The following RELCH variants were observed in gnomAD, a reference collection of about 807,000 sequenced individuals.
The protein encoded by RELCH is RAB11 binding and LisH domain, coiled-coil and HEAT repeat containing, also known as RAB11-binding protein RELCH.
Under a neutral mutation model 150.3 loss-of-function variants are expected in RELCH, and 41 were observed. The ratio of observed to expected loss-of-function variants is 0.27; its 90% CI spans 0.21 to 0.35. The LOEUF is 0.35. RELCH is among the 10% of genes least tolerant of loss of function. RELCH has a pLI of 1.00. For synonymous variants in RELCH, 478 were observed against 531.8 expected (o/e 0.90, Z 1.39); for missense variants, 1,092 against 1,467.8 (o/e 0.74, Z 4.18).
At position 62,261,501 on chromosome 18, in the gene RELCH, T is replaced by C; in HGVS notation, c.2203-10T>C. 1 of 1,609,686 alleles carries C rather than the reference T, an allele frequency of 6.2e-7. No individual in the cohort carries two copies. The highest frequency in any genetic ancestry group is 8.5e-7 in the Non-Finnish European group (1 of 1,177,632). On this transcript the variant is annotated splice_polypyrimidine_tract_variant and intron_variant, in intron 15 of 28. Transcript: ENST00000644646. ...AGACTAAAATTAGCTTCCACCTCCT[T>C]ATGTTTCAGGAAGGAGAACATGGAC...
At chr18:62,289,930 A>G (rs2045026796) in intron 26 of RELCH, among the ~76,000 whole-genome samples, 1 of 152,276 alleles carries the variant, frequency 6.6e-6, no homozygotes, top group South Asian at 2.1e-4. Context: ...AGACTCTTAA[A>G]CTACTAATTC....
At position 62,200,797 on chromosome 18, in the gene RELCH, A is replaced by G. The variant is rs193074153; in HGVS notation, c.527-10356A>G. Reference sequence around the variant, plus strand: ...ACGTTTATAAATACAGTGCCCACATAAAAGAAACTTTTCATTAGTATTGAA... The same window carrying G: ...ACGTTTATAAATACAGTGCCCACATGAAAGAAACTTTTCATTAGTATTGAA... On this transcript the variant is annotated intron_variant, in intron 1 of 28. Coordinates refer to ENST00000644646, the MANE Select transcript of RELCH (RefSeq NM_001346231.2). Among the ~76,000 whole-genome samples the G allele has an allele frequency of 2.6e-5, 4 of 152,118 alleles. No individual in the cohort carries two copies. The South Asian group carries it at 6.2e-4, about 24-fold the overall frequency.
At chr18:62,237,607 T>G (rs974094354) in intron 10 of RELCH, among the ~76,000 whole-genome samples, 49 of 151,820 alleles carry the variant, frequency 3.2e-4, no homozygotes, top group Admixed American at 3.1e-3. Context: ...GACTACACCT[T>G]CAGTAAAAAA....
At chr18:62,294,976 G>A (rs1396121305) in intron 27 of RELCH, among the ~76,000 whole-genome samples, 1 of 152,046 alleles carries the variant, frequency 6.6e-6, no homozygotes, top group African/African-American at 2.4e-5. Flanking sequence ...TGGTTTCTTT[G>A]TCAATTATTA....
At chr18:62,225,884 AC>A (rs2041188623) in intron 5 of RELCH, among the ~76,000 whole-genome samples, 1 of 151,878 alleles carries the variant, frequency 6.6e-6, no homozygotes, top group Non-Finnish European at 1.5e-5. Context: ...ATTTATCCTT[AC>A]AAAAACCCTA....
intron 15 of RELCH, among the ~76,000 whole-genome samples, chr18:62,260,386 A>AAAAAGAT (rs1216443312): frequency 1.3e-5 from 2 of 151,364 alleles, no homozygotes; most frequent in African/African-American, 4.8e-5. Context: ...AAAAAAAAAA[A>AAAAAGAT]AAAAGATGCT....
intron 1 of RELCH, among the ~76,000 whole-genome samples, chr18:62,210,784 T>C (rs1242065419): frequency 1.3e-5 from 2 of 152,204 alleles, no homozygotes. Flanking sequence ...TGATGGATAA[T>C]GTGTGTGTTA....
intron 23 of RELCH, chr18:62,280,239 C>T (rs896156205): frequency 2.7e-6 from 2 of 743,660 alleles, no homozygotes; most frequent in Non-Finnish European, 2.3e-6. Context: ...TTTAATGTCT[C>T]GTGTGGATGA....
At chr18:62,194,229 A>G (rs1192266844) in intron 1 of RELCH, among the ~76,000 whole-genome samples, 1 of 152,198 alleles carries the variant, frequency 6.6e-6, no homozygotes, top group African/African-American at 2.4e-5. Flanking sequence ...TGGGAGAAAG[A>G]ACGAGACCCT....
intron 13 of RELCH, among the ~76,000 whole-genome samples, chr18:62,255,866 G>C (rs924400552): frequency 3.3e-5 from 5 of 152,228 alleles, no homozygotes; most frequent in South Asian, 2.1e-4. Context: ...GGGCAAAAAT[G>C]CTGCTGCATT....
chr18:62,227,777 G>T, intron 7 of RELCH, 88 bp downstream of exon 7: 1 of 589,570 alleles, frequency 1.7e-6, no homozygotes, highest in Non-Finnish European at 2.9e-6. Context: ...CAATATTCCA[G>T]TTGCAAGGCA....
At chr18:62,285,717 T>G (rs2044755872) in intron 25 of RELCH, 1 of 152,240 alleles carries the variant, frequency 6.6e-6, no homozygotes, top group Admixed American at 6.5e-5. Context: ...ATTGCACCTG[T>G]GAATAGTCAT....
intron 10 of RELCH, 137 bp from the exon 11 acceptor site, chr18:62,244,627 T>G: frequency 3.5e-6 from 2 of 563,630 alleles, no homozygotes; most frequent in East Asian, 3.1e-5. Context: ...ATTACCAACC[T>G]TACAAAATTA....
At position 62,282,311 on chromosome 18, in the gene RELCH, G is replaced by A. The variant is rs1226019337; in HGVS notation, c.3120G>A (p.Leu1040=). The A allele has an allele frequency of 6.2e-7, 1 of 1,612,462 alleles. No homozygotes were observed. The highest frequency in any genetic ancestry group is 1.3e-5 in the African/African-American group (1 of 74,836). ...IMETVIQREL[L]ERVKMQLASF... is the part of the protein sequence containing the mutation. ...GTACAATATCCAATTTTAAGTTGCT[G>A]GAAAGAGTGAAAATGCAGTTGGCTT... Residue 1040 remains leucine, a synonymous_variant, in exon 25 of 29, where the codon CTG becomes CTA. Coordinates refer to ENST00000644646, the MANE Select transcript of RELCH (RefSeq NM_001346231.2).
chr18:62,211,352 T>G (rs2040156779), intron 2 of RELCH, 110 bp downstream of exon 2: 4 of 585,112 alleles, frequency 6.8e-6, no homozygotes, highest in Non-Finnish European at 1.2e-5. Flanking sequence ...ATAACATATA[T>G]AGTTATTATA....
chr18:62,279,714 C>T (rs891238627), intron 22 of RELCH, 60 bp from the exon 23 acceptor site: 42 of 1,088,668 alleles, frequency 3.9e-5, no homozygotes, highest in Admixed American at 8.7e-5. Context: ...CTTCCCGTGG[C>T]GCACTGTGTT....
intron 14 of RELCH, 22 bp from the exon 15 acceptor site, chr18:62,258,490 T>G (rs769688097): frequency 2.5e-6 from 4 of 1,586,568 alleles, no homozygotes; most frequent in Non-Finnish European, 3.4e-6. Flanking sequence ...AAAATCTACA[T>G]TTGCCTTTTT....
chr18:62,244,573 C>T (rs1003673942), intron 10 of RELCH, among the ~76,000 whole-genome samples, 191 bp from the exon 11 acceptor site: 1 of 152,180 alleles, frequency 6.6e-6, no homozygotes. Context: ...TTTACATTTC[C>T]TCCACAACCA....
intron 12 of RELCH, chr18:62,254,730 TG>T (rs1450421237): frequency 2.0e-5 from 3 of 152,128 alleles, no homozygotes; most frequent in Non-Finnish European, 2.9e-5. Context: ...CCTTTTCATA[TG>T]GGAATATGAG....
Sources: allele counts gnomAD v4.1 joint callset (sites outside exome capture counted in the v4.1 genomes callset), GRCh38; gene constraint gnomAD v4.1.1; transcripts MANE v1.5; gene names NCBI Gene and HGNC (gene_info 2026-07-23, HGNC 2026-07-21).